COL13A1: variants seen among roughly 807,000 people sequenced by gnomAD.
COL13A1 encodes collagen type XIII alpha 1 chain, also known as collagen alpha-1(XIII) chain.
Under a neutral mutation model 130.9 loss-of-function variants are expected in COL13A1, and 89 were observed. That is an observed-to-expected ratio of 0.68 (90% CI 0.57 to 0.81). COL13A1 has a LOEUF of 0.81. Among genes scored for constraint, COL13A1 ranks in the 30% least tolerant of loss-of-function variants. The pLI, the probability that COL13A1 is intolerant of heterozygous loss-of-function variation, is 0.00. For missense variants in COL13A1, 879 were observed against 934.6 expected (o/e 0.94, Z 0.78); for synonymous variants, 402 against 341.6 (o/e 1.18, Z -1.95).
intron 34 of COL13A1, among the ~76,000 whole-genome samples, chr10:69,938,293 C>T (rs1238245166): frequency 6.6e-6 from 1 of 152,100 alleles, no homozygotes; most frequent in Non-Finnish European, 1.5e-5. Flanking sequence ...AGAAGGTGTT[C>T]ACATGTCATG....
At chr10:69,924,500 T>G (rs1373064506) in intron 24 of COL13A1, among the ~76,000 whole-genome samples, 4 of 149,808 alleles carry the variant, frequency 2.7e-5, no homozygotes. Context: ...CCCTCCACAT[T>G]TCACTCGGCA....
At chr10:69,894,529 C>T in intron 10 of COL13A1, 23 bp from the exon 11 acceptor site, 1 of 1,613,636 alleles carries the variant, frequency 6.2e-7, no homozygotes, top group South Asian at 1.1e-5. Context: ...GCCCACTGAC[C>T]TGTGTGTGTT....
chr10:69,940,906 C>T (rs867258008), intron 34 of COL13A1, 82 bp from the exon 35 acceptor site: 5 of 1,590,338 alleles, frequency 3.1e-6, no homozygotes, highest in Non-Finnish European at 3.4e-6. Flanking sequence ...CTTTACTCAC[C>T]TCTTCCCTCC....
At chr10:69,869,150 A>G (rs1174024216) in intron 3 of COL13A1, among the ~76,000 whole-genome samples, 1 of 152,178 alleles carries the variant, frequency 6.6e-6, no homozygotes, top group Non-Finnish European at 1.5e-5. Context: ...TTGCATTCTG[A>G]GAGCTTGTGC....
At position 69,803,645 on chromosome 10, in the gene COL13A1, G is replaced by A. The variant is rs926347419; in HGVS notation, c.294+928G>A. ...GCAGGTCCTGGCCATGGAAGGTCCTGGCCATGGAAGGTTTCCATGGGGAAG... is the reference window on the plus strand; with the variant it reads ...GCAGGTCCTGGCCATGGAAGGTCCTAGCCATGGAAGGTTTCCATGGGGAAG... On this transcript the variant is annotated intron_variant, in intron 1 of 40. Coordinates refer to ENST00000645393, the MANE Select transcript of COL13A1 (RefSeq NM_001368882.1). Among the ~76,000 whole-genome samples the A allele has an allele frequency of 2.6e-5, 4 of 152,062 alleles. No homozygotes were observed. In the South Asian group the frequency reaches 8.3e-4, roughly 32 times the overall value.
At chr10:69,859,826 C>T (rs1857473242) in intron 2 of COL13A1, among the ~76,000 whole-genome samples, 1 of 152,248 alleles carries the variant, frequency 6.6e-6, no homozygotes, top group African/African-American at 2.4e-5. Context: ...TTCCAGACAG[C>T]ACATTTCCTT....
rs191368989 is a variant in COL13A1 at position 69,860,965 on chromosome 10, G to A, written c.365-6833G>A. Among the ~76,000 whole-genome samples, 301 of 152,318 alleles carry A rather than the reference G, an allele frequency of 2.0e-3. 1 individual carries two copies. The highest frequency in any genetic ancestry group is 7.0e-3 in the African/African-American group (291 of 41,564). On this transcript the variant is annotated intron_variant, in intron 2 of 40. Transcript: ENST00000645393. Reference sequence around the variant, plus strand: ...ACTGCATCGGGAAGGAGAGGAGGCTGGAGGAACTTTAAGGTTTTGTTGGGA... The same window carrying A: ...ACTGCATCGGGAAGGAGAGGAGGCTAGAGGAACTTTAAGGTTTTGTTGGGA...
chr10:69,842,618 G>A (rs141076424), intron 2 of COL13A1, among the ~76,000 whole-genome samples: 319 of 152,320 alleles, frequency 2.1e-3, no homozygotes, highest in African/African-American at 6.2e-3. Context: ...TTCAGTGCTA[G>A]CTTTCCTGGG....
At chr10:69,902,634 A>T in intron 14 of COL13A1, 114 bp from the exon 15 acceptor site, 1 of 781,110 alleles carries the variant, frequency 1.3e-6, no homozygotes. Context: ...CCCCATCACC[A>T]CTCCTTCCCG....
At chr10:69,902,438 G>A (rs1223739176) in intron 14 of COL13A1, among the ~76,000 whole-genome samples, 7 of 152,158 alleles carry the variant, frequency 4.6e-5, no homozygotes, top group Non-Finnish European at 1.0e-4. Flanking sequence ...CTTTGGTTGG[G>A]CCAGGGGCTG....
intron 2 of COL13A1, among the ~76,000 whole-genome samples, chr10:69,830,862 A>G (rs575321934): frequency 2.4e-4 from 37 of 152,304 alleles, no homozygotes; most frequent in Admixed American, 8.5e-4. Flanking sequence ...GTCCCAAAAA[A>G]GAAACCCCAT....
At chr10:69,909,372 C>T (rs1332762271) in intron 17 of COL13A1, among the ~76,000 whole-genome samples, 2 of 152,190 alleles carry the variant, frequency 1.3e-5, no homozygotes, top group African/African-American at 2.4e-5. Flanking sequence ...GGCTGTGAGG[C>T]CATCATGCCC....
chr10:69,899,934 G>T (rs1000710579), intron 14 of COL13A1, among the ~76,000 whole-genome samples: 3 of 152,186 alleles, frequency 2.0e-5, no homozygotes, highest in Non-Finnish European at 4.4e-5. Context: ...AGATGTTCAG[G>T]CACCTGATTG....
chr10:69,827,735 T>C (rs1163959708), intron 2 of COL13A1, among the ~76,000 whole-genome samples: 1 of 152,174 alleles, frequency 6.6e-6, no homozygotes, highest in East Asian at 1.9e-4. Context: ...TGAGAGCTGA[T>C]GCCCACACAT....
intron 1 of COL13A1, among the ~76,000 whole-genome samples, chr10:69,814,959 T>G (rs1442289458): frequency 2.6e-5 from 4 of 152,262 alleles, no homozygotes; most frequent in Non-Finnish European, 5.9e-5. Context: ...GCTGTTATAA[T>G]TAATATTAAC....
At chr10:69,840,943 T>G (rs990823163) in intron 2 of COL13A1, among the ~76,000 whole-genome samples, 4 of 151,996 alleles carry the variant, frequency 2.6e-5, no homozygotes, top group Admixed American at 2.6e-4. Context: ...CTGCCCCATC[T>G]AGTCCTTTTC....
At chr10:69,827,997 A>G (rs536005163) in intron 2 of COL13A1, among the ~76,000 whole-genome samples, 1 of 152,330 alleles carries the variant, frequency 6.6e-6, no homozygotes, top group African/African-American at 2.4e-5. Flanking sequence ...TGTTTCTATC[A>G]ATGAAGAAAA....
chr10:69,909,586 G>C (rs906646172), intron 17 of COL13A1, among the ~76,000 whole-genome samples: 2 of 152,174 alleles, frequency 1.3e-5, no homozygotes, highest in Non-Finnish European at 2.9e-5. Flanking sequence ...CTGCCTCCAA[G>C]TCCACCAAAG....
intron 2 of COL13A1, chr10:69,824,014 G>A (rs961635822): frequency 2.2e-6 from 1 of 452,186 alleles, no homozygotes; most frequent in Non-Finnish European, 4.6e-6. Flanking sequence ...TTTTTGCTCA[G>A]CGTATAGAAT....
Sources: allele counts gnomAD v4.1 joint callset (sites outside exome capture counted in the v4.1 genomes callset), GRCh38; gene constraint gnomAD v4.1.1; transcripts MANE v1.5; gene names NCBI Gene and HGNC (gene_info 2026-07-23, HGNC 2026-07-21).